Variants in KCND2 observed in about 807,000 individuals in gnomAD.
KCND2 encodes the protein potassium voltage-gated channel subfamily D member 2.
Under a neutral mutation model 54.4 loss-of-function variants are expected in KCND2, and 16 were observed. The ratio of observed to expected loss-of-function variants is 0.29; its 90% CI spans 0.20 to 0.45. The LOEUF (loss-of-function observed/expected upper bound fraction) is 0.45, where lower values mean the gene tolerates loss of function less well. KCND2 is among the 20% of genes least tolerant of loss of function. The pLI is 1.00. For synonymous variants in KCND2, 317 were observed against 310.7 expected (o/e 1.02, Z -0.21); for missense variants, 486 against 824.2 (o/e 0.59, Z 5.02).
intron 1 of KCND2, among the ~76,000 whole-genome samples, chr7:120,715,220 G>A (rs1584894133): frequency 6.6e-6 from 1 of 151,702 alleles, no homozygotes. Flanking sequence ...TCATCCCCAA[G>A]ATTTTTCTTT....
intron 1 of KCND2, among the ~76,000 whole-genome samples, chr7:120,640,747 C>A (rs1446647702): frequency 2.0e-5 from 3 of 152,138 alleles, no homozygotes; most frequent in Admixed American, 6.5e-5. Context: ...TATTTCATTT[C>A]ATTGCATTGC....
intron 1 of KCND2, among the ~76,000 whole-genome samples, chr7:120,365,268 A>T (rs1204742849): frequency 6.6e-6 from 1 of 151,912 alleles, no homozygotes; most frequent in East Asian, 2.0e-4. Flanking sequence ...TAATTCAGGG[A>T]TACTAATTGA....
intron 1 of KCND2, among the ~76,000 whole-genome samples, chr7:120,290,735 A>T (rs887506296): frequency 1.3e-5 from 2 of 151,936 alleles, no homozygotes; most frequent in African/African-American, 4.8e-5. Context: ...ATATGGAAAT[A>T]TATATATATG....
intron 1 of KCND2, among the ~76,000 whole-genome samples, chr7:120,716,771 A>G (rs994352619): frequency 3.3e-5 from 5 of 152,158 alleles, no homozygotes; most frequent in Middle Eastern, 6.8e-3. Context: ...ATAATTTGAT[A>G]TACATATTTA....
intron 1 of KCND2, among the ~76,000 whole-genome samples, chr7:120,449,115 G>A (rs897041877): frequency 6.6e-6 from 1 of 151,956 alleles, no homozygotes; most frequent in East Asian, 1.9e-4. Context: ...GGATCACAAG[G>A]CCAGGAGATC....
chr7:120,459,044 C>A (rs768441768), intron 1 of KCND2, among the ~76,000 whole-genome samples: 1 of 151,894 alleles, frequency 6.6e-6, no homozygotes, highest in African/African-American at 2.4e-5. Flanking sequence ...AGAGTTTACT[C>A]AAAATGAAGC....
At chr7:120,567,775 A>C (rs1792315902) in intron 1 of KCND2, among the ~76,000 whole-genome samples, 1 of 152,128 alleles carries the variant, frequency 6.6e-6, no homozygotes, top group Non-Finnish European at 1.5e-5. Flanking sequence ...TACAAATTTT[A>C]AATTTTGCAC....
At chr7:120,367,860 C>A (rs1197351280) in intron 1 of KCND2, among the ~76,000 whole-genome samples, 1 of 152,006 alleles carries the variant, frequency 6.6e-6, no homozygotes, top group Non-Finnish European at 1.5e-5. Flanking sequence ...ATTTCGTTTT[C>A]ATTGTCCTAT....
intron 1 of KCND2, among the ~76,000 whole-genome samples, chr7:120,654,243 GT>G (rs1456975615): frequency 1.3e-5 from 2 of 151,930 alleles, no homozygotes; most frequent in Admixed American, 1.3e-4. Flanking sequence ...GAGAAAATAT[GT>G]TTTCTACATA....
chr7:120,484,988 G>C (rs1802672995), intron 1 of KCND2, among the ~76,000 whole-genome samples: 1 of 152,092 alleles, frequency 6.6e-6, no homozygotes, highest in Admixed American at 6.6e-5. Context: ...CTGGACTCAA[G>C]TGATCCTCCT....
intron 1 of KCND2, among the ~76,000 whole-genome samples, chr7:120,732,276 A>G (rs1384624433): frequency 6.6e-6 from 1 of 152,140 alleles, no homozygotes; most frequent in Non-Finnish European, 1.5e-5. Context: ...GATAGGAGGG[A>G]AAATAAGAAT....
intron 1 of KCND2, among the ~76,000 whole-genome samples, chr7:120,502,484 A>G (rs1053371784): frequency 6.6e-6 from 1 of 152,032 alleles, no homozygotes; most frequent in African/African-American, 2.4e-5. Flanking sequence ...ACTGTCACCT[A>G]TAGTTCTCTT....
intron 1 of KCND2, among the ~76,000 whole-genome samples, chr7:120,630,973 A>T (rs1203597253): frequency 2.0e-5 from 3 of 152,186 alleles, no homozygotes; most frequent in African/African-American, 7.2e-5. Flanking sequence ...TTTAGTGATT[A>T]CATCAGCCTT....
chr7:120,687,822 C>A (rs968054577), intron 1 of KCND2, among the ~76,000 whole-genome samples: 11 of 152,012 alleles, frequency 7.2e-5, no homozygotes, highest in African/African-American at 1.9e-4. Flanking sequence ...TAATTATAAT[C>A]TTTGTAGTTA....
intron 1 of KCND2, among the ~76,000 whole-genome samples, chr7:120,400,639 C>T (rs1801237629): frequency 6.6e-6 from 1 of 152,134 alleles, no homozygotes; most frequent in Non-Finnish European, 1.5e-5. Context: ...TAAACTACCA[C>T]TGTGTTTACC....
chr7:120,692,039 T>G (rs1249037689), intron 1 of KCND2, among the ~76,000 whole-genome samples: 5 of 151,944 alleles, frequency 3.3e-5, no homozygotes, highest in Non-Finnish European at 7.4e-5. Context: ...GCAGTTTTGG[T>G]GAAATCATGG....
chr7:120,573,784 A>G (rs961169118), intron 1 of KCND2, among the ~76,000 whole-genome samples: 1 of 152,138 alleles, frequency 6.6e-6, no homozygotes, highest in Non-Finnish European at 1.5e-5. Context: ...TAACTTTAAT[A>G]AGTAGTCAAG....
intron 1 of KCND2, among the ~76,000 whole-genome samples, chr7:120,582,041 T>C (rs1025885182): frequency 3.9e-5 from 6 of 152,074 alleles, no homozygotes; most frequent in Non-Finnish European, 8.8e-5. Context: ...AAGGTGCAAA[T>C]GAAAAAGAAA....
chr7:120,723,783 TTTG>T (rs750066224), intron 1 of KCND2, among the ~76,000 whole-genome samples: 10 of 152,154 alleles, frequency 6.6e-5, no homozygotes, highest in Non-Finnish European at 1.2e-4. Flanking sequence ...TAGATTCATG[TTTG>T]TTAAGTATGT....
Sources: allele counts gnomAD v4.1 joint callset (sites outside exome capture counted in the v4.1 genomes callset), GRCh38; gene constraint gnomAD v4.1.1; transcripts MANE v1.5; gene names NCBI Gene and HGNC (gene_info 2026-07-23, HGNC 2026-07-21).